Variants in FSTL5 observed in about 807,000 individuals in gnomAD.
The protein encoded by FSTL5 is follistatin like 5, also known as follistatin-related protein 5.
In FSTL5, 62 loss-of-function variants were observed where a neutral mutation model predicts 89.1. The ratio of observed to expected loss-of-function variants is 0.70; its 90% CI spans 0.57 to 0.86. FSTL5 has a LOEUF of 0.86. Ranked by LOEUF, FSTL5 falls within the 40% of genes least tolerant of loss-of-function variation. FSTL5 has a pLI of 0.00. For missense variants in FSTL5, 1,057 were observed against 1,001.6 expected (o/e 1.06, Z -0.75); for synonymous variants, 383 against 346.2 (o/e 1.11, Z -1.18).
chr4:161,816,934 T>G (rs1374104636), intron 4 of FSTL5, among the ~76,000 whole-genome samples: 1 of 152,186 alleles, frequency 6.6e-6, no homozygotes, highest in Non-Finnish European at 1.5e-5. Flanking sequence ...CCTCCTTTTC[T>G]TCCCCTCAGA....
chr4:161,592,908 A>G (rs2126613457), intron 7 of FSTL5, among the ~76,000 whole-genome samples: 1 of 152,254 alleles, frequency 6.6e-6, no homozygotes, highest in South Asian at 2.1e-4. Flanking sequence ...AAGCATTCCT[A>G]TTTCTCCACA....
intron 2 of FSTL5, among the ~76,000 whole-genome samples, chr4:162,058,444 T>TG (rs1478192356): frequency 1.5e-5 from 2 of 137,596 alleles, no homozygotes; most frequent in African/African-American, 5.3e-5. Flanking sequence ...TTTTTTTTTT[T>TG]GAGACAGGGT....
chr4:161,624,923 C>T (rs1048145482), intron 7 of FSTL5, among the ~76,000 whole-genome samples: 1 of 152,010 alleles, frequency 6.6e-6, no homozygotes, highest in South Asian at 2.1e-4. Context: ...GCAGAGAAGC[C>T]GGTGCTACAG....
intron 15 of FSTL5, among the ~76,000 whole-genome samples, chr4:161,444,867 C>T (rs537557894): frequency 6.6e-6 from 1 of 151,958 alleles, no homozygotes; most frequent in South Asian, 2.1e-4. Context: ...GAGTTTATAG[C>T]TGGTTCCAAT....
At chr4:161,615,645 A>G (rs1378300912) in intron 7 of FSTL5, among the ~76,000 whole-genome samples, 1 of 152,068 alleles carries the variant, frequency 6.6e-6, no homozygotes, top group Non-Finnish European at 1.5e-5. Context: ...AAATATTAAA[A>G]TCTTTAAACA....
intron 3 of FSTL5, among the ~76,000 whole-genome samples, chr4:161,996,531 G>T (rs1736301290): frequency 6.6e-6 from 1 of 152,154 alleles, no homozygotes; most frequent in South Asian, 2.1e-4. Context: ...TGCCCGTCTT[G>T]TCTCCTTCAT....
intron 7 of FSTL5, among the ~76,000 whole-genome samples, chr4:161,624,546 TAG>T (rs1735247713): frequency 6.6e-6 from 1 of 151,400 alleles, no homozygotes; most frequent in South Asian, 2.1e-4. Context: ...CTACAGATTA[TAG>T]GTGTACATTT....
At chr4:161,875,813 AT>A (rs1444958672) in intron 4 of FSTL5, among the ~76,000 whole-genome samples, 1 of 151,836 alleles carries the variant, frequency 6.6e-6, no homozygotes, top group Non-Finnish European at 1.5e-5. Flanking sequence ...GGCATCAGAG[AT>A]TTTTTTCACA....
chr4:161,563,720 C>T (rs767689889), intron 8 of FSTL5, among the ~76,000 whole-genome samples: 9 of 151,938 alleles, frequency 5.9e-5, no homozygotes, highest in Non-Finnish European at 1.2e-4. Flanking sequence ...CTTATTTCTC[C>T]CCAACAATTT....
At position 161,471,124 on chromosome 4, in the gene FSTL5, G is replaced by A. The variant is rs77742294; in HGVS notation, c.1608+9896C>T. Among the ~76,000 whole-genome samples the A allele has an allele frequency of 1.0e-3, 157 of 152,322 alleles. 1 individual carries two copies. In the East Asian group the frequency reaches 0.018, roughly 18 times the overall value. On this transcript the variant is annotated intron_variant, in intron 13 of 15. Transcript: ENST00000306100. ...AGCCAATACAATGTTAAGTAGAAGT[G>A]GCAAAAGTGGGCATCCTTGTCTTTT...
chr4:161,728,665 G>A (rs572399729), intron 6 of FSTL5, among the ~76,000 whole-genome samples: 2 of 151,964 alleles, frequency 1.3e-5, no homozygotes, highest in South Asian at 4.2e-4. Context: ...ATATATACCA[G>A]GCAAAAGTTA....
At chr4:161,443,277 A>C (rs1179100533) in intron 15 of FSTL5, among the ~76,000 whole-genome samples, 3 of 151,976 alleles carry the variant, frequency 2.0e-5, no homozygotes, top group Non-Finnish European at 4.4e-5. Context: ...GCTCTCCTTC[A>C]TTTGATAAGT....
intron 1 of FSTL5, among the ~76,000 whole-genome samples, chr4:162,127,759 A>AG (rs530489338): frequency 5.7e-4 from 87 of 152,310 alleles, no homozygotes; most frequent in African/African-American, 2.0e-3. Context: ...AGAAAAAAAA[A>AG]TGCCAATCTG....
chr4:161,618,960 C>G (rs1735002403), intron 7 of FSTL5, among the ~76,000 whole-genome samples: 1 of 152,152 alleles, frequency 6.6e-6, no homozygotes, highest in African/African-American at 2.4e-5. Context: ...CTACAGTAAC[C>G]AAAACAGCAT....
chr4:161,562,470 CATTG>C lies in FSTL5; in HGVS notation c.1016-19781_1016-19778del, dbSNP rs1308921517. 2.0e-5 allele frequency among the ~76,000 whole-genome samples: 3 copies of C among 151,738 alleles called. No homozygotes were observed. The East Asian group carries it at 5.8e-4, about 29-fold the overall frequency. ...AATTTATCAACATAGTATGTTTTTCCATTGATTTAGGTCTTCTATAATTTATTTC... is the reference window on the plus strand; with the variant it reads ...AATTTATCAACATAGTATGTTTTTCCATTTAGGTCTTCTATAATTTATTTC... On this transcript the variant is annotated intron_variant, in intron 8 of 15. Transcript: ENST00000306100.
At chr4:161,604,063 C>T (rs1734349797) in intron 7 of FSTL5, among the ~76,000 whole-genome samples, 2 of 151,892 alleles carry the variant, frequency 1.3e-5, no homozygotes, top group Admixed American at 6.6e-5. Flanking sequence ...TAAAACTAAC[C>T]AACTCTTGAT....
chr4:161,543,898 A>G (rs1217084784), intron 8 of FSTL5, among the ~76,000 whole-genome samples: 1 of 152,044 alleles, frequency 6.6e-6, no homozygotes, highest in Non-Finnish European at 1.5e-5. Flanking sequence ...CAAAAACAAA[A>G]TAAATATGTT....
chr4:161,858,171 C>T (rs774407673), intron 4 of FSTL5, among the ~76,000 whole-genome samples: 2 of 152,068 alleles, frequency 1.3e-5, no homozygotes, highest in African/African-American at 2.4e-5. Flanking sequence ...CCTTCCACCA[C>T]GTGAGGATAA....
intron 7 of FSTL5, among the ~76,000 whole-genome samples, chr4:161,622,951 C>T (rs1243089635): frequency 6.6e-6 from 1 of 151,954 alleles, no homozygotes; most frequent in Non-Finnish European, 1.5e-5. Flanking sequence ...GTGAGGCTTT[C>T]TTATTTTTAT....
Sources: gnomAD v4.1 joint callset for allele counts (sites outside exome capture counted in the v4.1 genomes callset) on GRCh38, gnomAD v4.1.1 for gene constraint, MANE v1.5 for transcripts, NCBI Gene and HGNC (gene_info 2026-07-23, HGNC 2026-07-21) for gene names.